Variants in TLK2 observed in about 807,000 individuals in gnomAD.
The protein encoded by TLK2 is serine/threonine-protein kinase tousled-like 2.
TLK2 carries 6 observed loss-of-function variants against 117.3 expected under a neutral mutation model. The ratio of observed to expected loss-of-function variants is 0.05; its 90% confidence interval spans 0.03 to 0.10. TLK2 has a LOEUF of 0.10. TLK2 is among the 10% of genes least tolerant of loss of function. TLK2 has a pLI of 1.00. For missense variants in TLK2, 299 were observed against 901.2 expected (o/e 0.33, Z 8.56); for synonymous variants, 257 against 316.7 (o/e 0.81, Z 2.00).
At chr17:62,586,553 G>T (rs2081619170) in intron 16 of TLK2, among the ~76,000 whole-genome samples, 1 of 152,154 alleles carries the variant, frequency 6.6e-6, no homozygotes, top group African/African-American at 2.4e-5. Flanking sequence ...CGGGCACGGT[G>T]GCTCACACCT....
chr17:62,532,628 C>A (rs2076822384), intron 6 of TLK2, among the ~76,000 whole-genome samples: 1 of 152,136 alleles, frequency 6.6e-6, no homozygotes, highest in African/African-American at 2.4e-5. Context: ...ATAGAAAGTT[C>A]CCTCCAAAAG....
chr17:62,561,699 A>T (rs574599900), intron 10 of TLK2, among the ~76,000 whole-genome samples: 2 of 152,350 alleles, frequency 1.3e-5, no homozygotes, highest in East Asian at 1.9e-4. Flanking sequence ...TACTGGGGGA[A>T]ATTTTGTTTC....
At chr17:62,548,240 ATGTGTG>A (rs59375141) in intron 7 of TLK2, among the ~76,000 whole-genome samples, 111 of 121,292 alleles carry the variant, frequency 9.2e-4, no homozygotes, top group African/African-American at 3.2e-3. Flanking sequence ...ATATATATAT[ATGTGTG>A]TGTGTGTGTG....
At chr17:62,499,778 G>A (rs2074031643) in intron 2 of TLK2, among the ~76,000 whole-genome samples, 1 of 151,798 alleles carries the variant, frequency 6.6e-6, no homozygotes, top group South Asian at 2.1e-4. Context: ...TTGAACCTGG[G>A]AGGCAGAGGT....
chr17:62,576,966 C>CTTTCTTTTTT (rs2080841510), intron 13 of TLK2, among the ~76,000 whole-genome samples, 191 bp downstream of exon 13: 1 of 115,950 alleles, frequency 8.6e-6, no homozygotes, highest in Non-Finnish European at 1.8e-5. Flanking sequence ...CTTTCTTCTT[C>CTTTCTTTTTT]TTTTTTTTTT....
At chr17:62,515,162 A>G (rs2075475332) in intron 2 of TLK2, among the ~76,000 whole-genome samples, 1 of 152,214 alleles carries the variant, frequency 6.6e-6, no homozygotes, top group South Asian at 2.1e-4. Context: ...TAATGTTCTC[A>G]GGGCTTATCC....
chr17:62,559,115 G>C (rs1364363363), intron 9 of TLK2, among the ~76,000 whole-genome samples: 1 of 152,064 alleles, frequency 6.6e-6, no homozygotes, highest in Non-Finnish European at 1.5e-5. Context: ...TAAGTTTTTA[G>C]TCCACACTGT....
intron 2 of TLK2, among the ~76,000 whole-genome samples, 180 bp downstream of exon 2, chr17:62,481,386 T>G (rs1341085790): frequency 6.6e-6 from 1 of 152,216 alleles, no homozygotes. Context: ...CATAGTAGGT[T>G]TGAAAATGTT....
Position 62,614,280 on chromosome 17 carries a change from ACAG to A in TLK2, c.*1719_*1721del, listed in dbSNP as rs1218144133. ...CGGGTGGCCCCACCGTGCCCTTGAA[ACAG>A]CAGAGCACTCCTCAGTAGAGAGGGA... On this transcript the variant is annotated 3_prime_UTR_variant, in exon 22 of 22. Transcript: ENST00000346027. The A allele has an allele frequency of 6.6e-6, 1 of 152,236 alleles. No homozygotes were observed. Among genetic ancestry groups the A allele is most frequent in the African/African-American group, 2.4e-5 (1 of 41,448 alleles). 9.4% of individuals were successfully genotyped at this position (152,236 alleles called of 1,614,324 possible).
At chr17:62,498,539 G>A (rs907629881) in intron 2 of TLK2, among the ~76,000 whole-genome samples, 1 of 151,840 alleles carries the variant, frequency 6.6e-6, no homozygotes, top group Non-Finnish European at 1.5e-5. Flanking sequence ...ACAGGTGTGC[G>A]CCACCACACC....
chr17:62,548,903 A>AT (rs1208059888), intron 7 of TLK2, among the ~76,000 whole-genome samples: 8 of 144,640 alleles, frequency 5.5e-5, no homozygotes, highest in Middle Eastern at 3.5e-3. Context: ...CGCCCAGATT[A>AT]TTTTTTTTTG....
intron 11 of TLK2, among the ~76,000 whole-genome samples, chr17:62,572,389 T>G (rs1353990549): frequency 6.6e-6 from 1 of 152,030 alleles, no homozygotes; most frequent in Admixed American, 6.6e-5. Flanking sequence ...TTAATATCTG[T>G]TAGGTGGTAG....
At chr17:62,549,419 A>AAAAAAAAAAAGT (rs2078238041) in intron 7 of TLK2, among the ~76,000 whole-genome samples, 9 of 7,758 alleles carry the variant, frequency 1.2e-3, no homozygotes, top group African/African-American at 1.9e-3. Flanking sequence ...AAAAAAAAAA[A>AAAAAAAAAAAGT]AAAAAAAAAA....
intron 2 of TLK2, among the ~76,000 whole-genome samples, chr17:62,483,849 A>G (rs1345272887): frequency 6.6e-6 from 1 of 151,178 alleles, no homozygotes; most frequent in East Asian, 1.9e-4. Context: ...TTTTTGAGAC[A>G]GAGTTTTGCT....
chr17:62,539,027 T>C (rs925918130), intron 7 of TLK2, among the ~76,000 whole-genome samples: 12 of 152,138 alleles, frequency 7.9e-5, no homozygotes, highest in African/African-American at 2.9e-4. Context: ...ACCTAGCAAA[T>C]TGGCAAGGAT....
chr17:62,516,256 T>C (rs2075574963), intron 2 of TLK2: 1 of 860,362 alleles, frequency 1.2e-6, no homozygotes, highest in South Asian at 1.5e-5. Flanking sequence ...TTGATTATAG[T>C]TTTAGTTCTT....
chr17:62,533,832 T>C (rs2076928162), intron 6 of TLK2, among the ~76,000 whole-genome samples: 2 of 152,210 alleles, frequency 1.3e-5, no homozygotes, highest in Admixed American at 6.5e-5. Context: ...TAGAAAATTC[T>C]AAAAGCATTT....
intron 2 of TLK2, among the ~76,000 whole-genome samples, chr17:62,520,493 A>C (rs1013675920): frequency 4.6e-5 from 7 of 151,910 alleles, no homozygotes; most frequent in East Asian, 3.9e-4. Context: ...CCTGGCCAAC[A>C]TGGTGAAACC....
intron 12 of TLK2, chr17:62,574,523 G>GTTT: frequency 1.5e-5 from 8 of 528,266 alleles, no homozygotes; most frequent in South Asian, 2.2e-5. Context: ...TGTTGTTGTT[G>GTTT]TTTTTTTTTT....
Sources: allele counts gnomAD v4.1 joint callset (sites outside exome capture counted in the v4.1 genomes callset), GRCh38; gene constraint gnomAD v4.1.1; transcripts MANE v1.5; gene names NCBI Gene and HGNC (gene_info 2026-07-23, HGNC 2026-07-21).